PTPRA: variants seen among roughly 807,000 people sequenced by gnomAD.
PTPRA encodes protein tyrosine phosphatase receptor type A.
PTPRA carries 25 observed loss-of-function variants against 104.8 expected under a neutral mutation model. That is an observed-to-expected ratio of 0.24 (90% CI 0.17 to 0.33). The LOEUF (loss-of-function observed/expected upper bound fraction) is 0.33, where lower values mean the gene tolerates loss of function less well. Among genes scored for constraint, PTPRA ranks in the 10% least tolerant of loss-of-function variants. The pLI is 1.00. For synonymous variants in PTPRA, 323 were observed against 368.9 expected, an observed-to-expected ratio of 0.88 and a Z score of 1.43; for missense variants, 765 against 1,015.3, an observed-to-expected ratio of 0.75 and a Z score of 3.35.
chr20:2,943,213 A>ACCC (rs61061739), intron 2 of PTPRA, among the ~76,000 whole-genome samples: 1,379 of 116,314 alleles, frequency 0.012, 23 homozygotes, highest in African/African-American at 0.03. Flanking sequence ...ATATCCCCCC[A>ACCC]CCCCCCCCCC....
intron 2 of PTPRA, among the ~76,000 whole-genome samples, chr20:2,939,973 G>C (rs1179504699): frequency 1.3e-5 from 2 of 152,224 alleles, no homozygotes; most frequent in African/African-American, 4.8e-5. Context: ...AGCCGGGCAT[G>C]GTGGGGGACG....
At chr20:2,954,363 G>A (rs1039356753) in intron 3 of PTPRA, among the ~76,000 whole-genome samples, 4 of 152,048 alleles carry the variant, frequency 2.6e-5, no homozygotes, top group Admixed American at 6.6e-5. Context: ...ACAGGCGTGC[G>A]CCACCACACC....
At chr20:2,999,866 A>T (rs972049096) in intron 9 of PTPRA, among the ~76,000 whole-genome samples, 2 of 152,196 alleles carry the variant, frequency 1.3e-5, no homozygotes, top group Admixed American at 1.3e-4. Context: ...AAAATGCAAA[A>T]CCTCTGTTCA....
chr20:3,036,151 A>T (rs980942509), intron 22 of PTPRA, among the ~76,000 whole-genome samples: 1 of 152,180 alleles, frequency 6.6e-6, no homozygotes, highest in Non-Finnish European at 1.5e-5. Flanking sequence ...TAGGGGACTA[A>T]TGTTCAGATA....
In PTPRA at chr20:3,015,545, A is replaced by T. The variant is rs568356003; in HGVS notation, c.907-304A>T. Among the ~76,000 whole-genome samples, 4 of 152,082 alleles carry T rather than the reference A, an allele frequency of 2.6e-5. 1 individual carries two copies. The highest frequency in any genetic ancestry group is 9.6e-5 in the African/African-American group (4 of 41,494). Reference sequence around the variant, plus strand: ...GCTCTCACACTCTTGACCTTAGATGATCCGCCCACCTTGGCCTCTCAAAGT... The same window carrying T: ...GCTCTCACACTCTTGACCTTAGATGTTCCGCCCACCTTGGCCTCTCAAAGT... On this transcript the variant is annotated intron_variant, in intron 11 of 23. Coordinates refer to ENST00000399903, the MANE Select transcript of PTPRA (RefSeq NM_001385305.1).
At chr20:2,949,277 A>G (rs1036548955) in intron 3 of PTPRA, among the ~76,000 whole-genome samples, 8 of 148,918 alleles carry the variant, frequency 5.4e-5, no homozygotes, top group Non-Finnish European at 1.2e-4. Context: ...ATTTCCAATA[A>G]CTTACTTCCT....
At chr20:2,872,051 A>G (rs932299563), upstream of PTPRA, among the ~76,000 whole-genome samples, 1 of 152,188 alleles carries the variant, frequency 6.6e-6, no homozygotes, top group Admixed American at 6.5e-5. This position sits in a 1 kb window ranked among gnomAD's most constrained non-coding sequence, Gnocchi z 7.9. Context: ...AGTGGGGCAC[A>G]GAGTCCCTAA....
At chr20:3,005,866 A>G (rs896390656) in intron 10 of PTPRA, among the ~76,000 whole-genome samples, 4 of 152,156 alleles carry the variant, frequency 2.6e-5, no homozygotes, top group Non-Finnish European at 5.9e-5. Flanking sequence ...TAATCAGTTG[A>G]TCCATAAGCT....
chr20:2,865,033 C>T, the PTPRA span: 1 of 1,614,172 alleles, frequency 6.2e-7, no homozygotes, highest in South Asian at 1.1e-5. The surrounding 1 kb of genome is among the most constrained non-coding windows in gnomAD (Gnocchi z 5.2). Flanking sequence ...TTCTACAAGG[C>T]CAAGAATGAG....
chr20:2,992,712 C>T (rs1194882118), intron 9 of PTPRA, among the ~76,000 whole-genome samples: 2 of 152,180 alleles, frequency 1.3e-5, no homozygotes, highest in African/African-American at 4.8e-5. Context: ...TTACTACAAA[C>T]ACTCTAGAGC....
At chr20:2,977,418 G>C (rs1449143803) in intron 6 of PTPRA, among the ~76,000 whole-genome samples, 1 of 152,080 alleles carries the variant, frequency 6.6e-6, no homozygotes, top group Non-Finnish European at 1.5e-5. Flanking sequence ...GGCTGAGGCA[G>C]GTGGATCACT....
At chr20:3,002,322 A>ATTTTTTTT (rs5839983) in intron 9 of PTPRA, among the ~76,000 whole-genome samples, 5 of 116,896 alleles carry the variant, frequency 4.3e-5, no homozygotes, top group South Asian at 5.7e-4. Context: ...AAATGTAGTA[A>ATTTTTTTT]TTTTTTTTTT....
intron 20 of PTPRA, among the ~76,000 whole-genome samples, chr20:3,031,994 C>T (rs930314923): frequency 6.6e-6 from 1 of 152,198 alleles, no homozygotes; most frequent in Non-Finnish European, 1.5e-5. Context: ...GACCACAAAT[C>T]TCATAGAGGT....
intron 3 of PTPRA, among the ~76,000 whole-genome samples, chr20:2,957,138 A>T (rs532961722): frequency 6.6e-6 from 1 of 152,320 alleles, no homozygotes; most frequent in African/African-American, 2.4e-5. Flanking sequence ...ACAAAAAATT[A>T]TCCAGGCGTG....
At chr20:2,875,680 A>G (rs1377984984) in intron 1 of PTPRA, among the ~76,000 whole-genome samples, 1 of 152,210 alleles carries the variant, frequency 6.6e-6, no homozygotes, top group Non-Finnish European at 1.5e-5. Flanking sequence ...AATGTTTTCC[A>G]TGAATTCCCT....
intron 17 of PTPRA, among the ~76,000 whole-genome samples, chr20:3,025,192 C>T (rs535646280): frequency 4.6e-5 from 7 of 152,184 alleles, no homozygotes; most frequent in Non-Finnish European, 8.8e-5. Context: ...CAGTGGCTCA[C>T]GCCTGTAATC....
rs373997307 is a variant in PTPRA, at chr20:2,901,985, A to G, written c.-128-21222A>G. 2.4e-4 allele frequency among the ~76,000 whole-genome samples: 36 copies of G among 151,892 alleles called. No individual in the cohort carries two copies. In the South Asian group the frequency reaches 7.5e-3, roughly 32 times the overall value. ...ACTGCAACCTCTGCCTCCCAGGTTC[A>G]AGTGATTCTCCTGCCTCAGCCTCCC... On this transcript the variant is annotated intron_variant, in intron 1 of 23. Transcript: ENST00000399903.
At chr20:2,985,295 G>T (rs575164627) in intron 6 of PTPRA, among the ~76,000 whole-genome samples, 5 of 152,328 alleles carry the variant, frequency 3.3e-5, no homozygotes, top group African/African-American at 1.2e-4. Flanking sequence ...TAGACAAGAC[G>T]AATTAGACAA....
intron 1 of PTPRA, among the ~76,000 whole-genome samples, chr20:2,881,162 C>T (rs1397954672): frequency 6.6e-6 from 1 of 151,056 alleles, no homozygotes; most frequent in African/African-American, 2.5e-5. Context: ...CAAGAATTCG[C>T]CGGGCGTGGT....
Sources: gnomAD v4.1 joint callset for allele counts (sites outside exome capture counted in the v4.1 genomes callset) on GRCh38, gnomAD v4.1.1 for gene constraint, Gnocchi (gnomAD v3.1) non-coding constraint, MANE v1.5 for transcripts, NCBI Gene and HGNC (gene_info 2026-07-23, HGNC 2026-07-21) for gene names.